The following SPATS2L variants were observed in gnomAD, a reference collection of about 807,000 sequenced individuals.
SPATS2L encodes the protein SPATS2-like protein.
In SPATS2L, 30 loss-of-function variants were observed where a neutral mutation model predicts 59.6. That is an observed-to-expected ratio of 0.50 (90% confidence interval 0.38 to 0.68). The LOEUF (loss-of-function observed/expected upper bound fraction) is 0.68, where lower values mean the gene tolerates loss of function less well. Among genes scored for constraint, SPATS2L ranks in the 30% least tolerant of loss-of-function variants. The pLI is 0.00. For missense variants in SPATS2L, 615 were observed against 700.0 expected (o/e 0.88, Z 1.37); for synonymous variants, 252 against 263.5 (o/e 0.96, Z 0.42).
upstream of SPATS2L, chr2:200,306,187 T>TTA (rs2079006532): frequency 7.0e-6 from 7 of 1,001,278 alleles, no homozygotes; most frequent in Middle Eastern, 1.4e-3. Context: ...CTATCTTTGC[T>TTA]TACATTTTGA....
chr2:200,413,385 G>T (rs1040080875), intron 4 of SPATS2L, among the ~76,000 whole-genome samples: 2 of 152,108 alleles, frequency 1.3e-5, no homozygotes, highest in Non-Finnish European at 2.9e-5. Flanking sequence ...TAAAGTCTCA[G>T]GAATACGTTT....
chr2:200,427,976 G>A (rs1315250276), intron 6 of SPATS2L, among the ~76,000 whole-genome samples: 1 of 151,968 alleles, frequency 6.6e-6, no homozygotes, highest in Non-Finnish European at 1.5e-5. Context: ...GGAGGCTGAG[G>A]TGGGAGGATC....
chr2:200,400,109 C>G (rs1309175780), intron 3 of SPATS2L, among the ~76,000 whole-genome samples: 2 of 152,142 alleles, frequency 1.3e-5, no homozygotes, highest in Admixed American at 1.3e-4. Context: ...TAGTATTCTA[C>G]TCTGATTAAA....
At chr2:200,351,808 A>G (rs2080743704) in intron 2 of SPATS2L, among the ~76,000 whole-genome samples, 1 of 152,168 alleles carries the variant, frequency 6.6e-6, no homozygotes, top group African/African-American at 2.4e-5. Flanking sequence ...TTCTAGAAAT[A>G]TCTGAGGGTT....
At chr2:200,432,075 G>A (rs1049352935) in intron 6 of SPATS2L, among the ~76,000 whole-genome samples, 3 of 152,164 alleles carry the variant, frequency 2.0e-5, no homozygotes, top group African/African-American at 7.2e-5. Flanking sequence ...AGAAAGGCAT[G>A]AATTTGTATT....
intron 1 of SPATS2L, among the ~76,000 whole-genome samples, chr2:200,321,679 T>C (rs2079564165): frequency 6.6e-6 from 1 of 152,262 alleles, no homozygotes; most frequent in African/African-American, 2.4e-5. Flanking sequence ...GTTTACATTA[T>C]GTTTTGTGAA....
rs767815117 is a variant in SPATS2L at position 200,478,010 on chromosome 2, G to A, written c.1656G>A (p.Pro552=). 1.1e-5 allele frequency: 17 copies of A among 1,564,874 alleles called. No individual in the cohort carries two copies. In the South Asian group the frequency reaches 1.6e-4, roughly 15 times the overall value. The part of the protein sequence containing the change: ...VSTDAAVLSV[P]AVTLVA ...CAGATGCAGCAGTTCTCTCAGTCCC[G>A]GCTGTGACGTTGGTGGCCTGAGCTA... The change falls in exon 13 of 13, where the codon CCG becomes CCA. Residue 552 remains proline, a synonymous_variant. Transcript: ENST00000409140.
At chr2:200,379,524 G>T (rs1020245027) in intron 2 of SPATS2L, among the ~76,000 whole-genome samples, 2 of 152,150 alleles carry the variant, frequency 1.3e-5, no homozygotes, top group African/African-American at 4.8e-5. Context: ...TGTAGGAATT[G>T]CCCATAGCTA....
chr2:200,446,354 T>G (rs2085042531), intron 8 of SPATS2L, among the ~76,000 whole-genome samples: 1 of 152,202 alleles, frequency 6.6e-6, no homozygotes, highest in Admixed American at 6.5e-5. Context: ...CAAAAACAGA[T>G]AATTCTCTTG....
chr2:200,419,777 A>T (rs540172260), intron 6 of SPATS2L, among the ~76,000 whole-genome samples: 1 of 147,018 alleles, frequency 6.8e-6, no homozygotes, highest in East Asian at 2.0e-4. Context: ...GTGTGGTCAT[A>T]GCTCACTGCA....
At chr2:200,432,151 G>GA (rs1194384175) in intron 6 of SPATS2L, among the ~76,000 whole-genome samples, 1 of 152,084 alleles carries the variant, frequency 6.6e-6, no homozygotes, top group Non-Finnish European at 1.5e-5. Flanking sequence ...CCACAATACT[G>GA]AAAAAAATGA....
chr2:200,335,255 C>T (rs1362053282), intron 2 of SPATS2L, among the ~76,000 whole-genome samples: 1 of 151,886 alleles, frequency 6.6e-6, no homozygotes, highest in South Asian at 2.1e-4. Context: ...CTGAAAGAAT[C>T]GGATACCAAG....
intron 2 of SPATS2L, among the ~76,000 whole-genome samples, chr2:200,379,974 G>A (rs2081746091): frequency 6.6e-6 from 1 of 152,056 alleles, no homozygotes; most frequent in Non-Finnish European, 1.5e-5. Flanking sequence ...TTGCTTTAAA[G>A]CCCAGCAATC....
chr2:200,344,648 T>C (rs1290036914), intron 2 of SPATS2L, among the ~76,000 whole-genome samples: 1 of 152,244 alleles, frequency 6.6e-6, no homozygotes. Flanking sequence ...ATTGTCACAC[T>C]GCTTTCCACA....
At chr2:200,404,904 C>G (rs2082644030) in intron 3 of SPATS2L, among the ~76,000 whole-genome samples, 1 of 152,198 alleles carries the variant, frequency 6.6e-6, no homozygotes, top group Non-Finnish European at 1.5e-5. Flanking sequence ...CATTGCATCA[C>G]TGTCCCATTG....
chr2:200,319,417 T>G (rs2079485233), intron 1 of SPATS2L, among the ~76,000 whole-genome samples: 1 of 151,950 alleles, frequency 6.6e-6, no homozygotes, highest in Admixed American at 6.6e-5. Context: ...ATACAAAAAT[T>G]AGCTGAGCAT....
At chr2:200,463,713 C>A (rs183755328) in intron 9 of SPATS2L, among the ~76,000 whole-genome samples, 1 of 152,114 alleles carries the variant, frequency 6.6e-6, no homozygotes, top group Non-Finnish European at 1.5e-5. Context: ...ACTAGAGATA[C>A]GGGAAGAAAA....
At chr2:200,329,543 A>T in intron 2 of SPATS2L, 63 bp downstream of exon 2, 1 of 1,434,992 alleles carries the variant, frequency 7.0e-7, no homozygotes. Context: ...AGCTGTCCCT[A>T]CACCTGCAGC....
intron 2 of SPATS2L, among the ~76,000 whole-genome samples, chr2:200,337,365 G>A (rs2080176242): frequency 6.6e-6 from 1 of 152,094 alleles, no homozygotes; most frequent in African/African-American, 2.4e-5. Flanking sequence ...AACATTCTCA[G>A]GCTTTAACCC....
Sources: gnomAD v4.1 joint callset for allele counts (sites outside exome capture counted in the v4.1 genomes callset) on GRCh38, gnomAD v4.1.1 for gene constraint, MANE v1.5 for transcripts, NCBI Gene and HGNC (gene_info 2026-07-23, HGNC 2026-07-21) for gene names.